The following MCM10 variants were observed in gnomAD, a reference collection of about 807,000 sequenced individuals.
MCM10 encodes minichromosome maintenance 10 replication initiation factor, also known as protein MCM10 homolog.
A neutral mutation model predicts 109.9 loss-of-function variants in MCM10; 91 were observed. That is an observed-to-expected ratio of 0.83 (90% confidence interval 0.70 to 0.99). The LOEUF (loss-of-function observed/expected upper bound fraction) is 0.99. Among genes scored for constraint, MCM10 ranks in the 50% least tolerant of loss-of-function variants. The pLI is 0.00. For missense variants in MCM10, 1,077 were observed against 1,061.2 expected, an observed-to-expected ratio of 1.01 and a Z score of -0.21; for synonymous variants, 380 against 387.2, an observed-to-expected ratio of 0.98 and a Z score of 0.22.
chr10:13,195,793 T>TGG (rs1564391121), intron 14 of MCM10, among the ~76,000 whole-genome samples: 1 of 151,464 alleles, frequency 6.6e-6, no homozygotes, highest in African/African-American at 2.4e-5. Context: ...AGTAGAGACA[T>TGG]GGTTTCACCA....
chr10:13,162,387 A>G (rs1271917013), intron 1 of MCM10, among the ~76,000 whole-genome samples: 2 of 152,186 alleles, frequency 1.3e-5, no homozygotes, highest in African/African-American at 4.8e-5. Context: ...CCATGATCTG[A>G]TTTATGTTCC....
chr10:13,176,364 AC>A (rs1564383525), intron 6 of MCM10, among the ~76,000 whole-genome samples: 1 of 152,116 alleles, frequency 6.6e-6, no homozygotes, highest in African/African-American at 2.4e-5. Flanking sequence ...AATTATCTAT[AC>A]TCTGTATCAC....
At chr10:13,195,772 G>A (rs11815342) in intron 14 of MCM10, among the ~76,000 whole-genome samples, 22,711 of 150,974 alleles carry the variant, frequency 0.15, 1,966 homozygotes, top group South Asian at 0.2. Context: ...CACCACGCCC[G>A]GCTAATTTTT....
chr10:13,201,885 G>A (rs927183170), intron 17 of MCM10: 2 of 232,096 alleles, frequency 8.6e-6, no homozygotes, highest in South Asian at 7.6e-5. Flanking sequence ...CCTTGGGACC[G>A]TGGTTGAACC....
chr10:13,201,543 A>C lies in MCM10; in HGVS notation c.2352+9A>C. 1.3e-6 allele frequency: 2 copies of C among 1,596,622 alleles called. No homozygotes were observed. Among genetic ancestry groups the C allele is most frequent in the Non-Finnish European group, 1.7e-6 (2 of 1,169,636 alleles). ...TCGTGACATGCAAGACGGTGGGTGA[A>C]GGTGGGGGCTGCAGCAACCCATGGG... is the stretch of plus-strand genomic sequence containing the variant. On this transcript the variant is annotated intron_variant, in intron 17 of 19. Transcript: ENST00000378714.
intron 6 of MCM10, among the ~76,000 whole-genome samples, chr10:13,179,546 T>C: frequency 6.6e-6 from 1 of 152,250 alleles, no homozygotes; most frequent in Non-Finnish European, 1.5e-5. Context: ...AGAAGACTCA[T>C]GAAATAGTGA....
At chr10:13,193,963 C>G (rs1452304368) in intron 13 of MCM10, among the ~76,000 whole-genome samples, 2 of 152,128 alleles carry the variant, frequency 1.3e-5, no homozygotes, top group African/African-American at 4.8e-5. Flanking sequence ...TGGCTCTAAT[C>G]CTGAGTCTGG....
chr10:13,208,714 C>A (rs1433877264), intron 18 of MCM10, among the ~76,000 whole-genome samples: 1 of 152,112 alleles, frequency 6.6e-6, no homozygotes, highest in East Asian at 1.9e-4. Context: ...GAGGAAGGGG[C>A]CAAACATAGA....
Position 13,198,700 on chromosome 10 carries a change from T to G in MCM10, c.2131T>G (p.Leu711Val). Residue 711 changes from leucine to valine, a missense_variant, in exon 16 of 20, where the codon TTG becomes GTG. By Grantham distance (32) the Leu-to-Val change is conservative. Coordinates refer to ENST00000378714, the MANE Select transcript of MCM10 (RefSeq NM_018518.5). Reference sequence around the variant, plus strand: ...TCCTTGTGCCCTAGCTGAGGATGAATTGGAGCCTGCCAGGAAAAAAAGGAG... The same window carrying G: ...TCCTTGTGCCCTAGCTGAGGATGAAGTGGAGCCTGCCAGGAAAAAAAGGAG... ...TMFSSQAEDE[L>V]EPARKKRREQ... 1 of 1,612,572 alleles carries G rather than the reference T, an allele frequency of 6.2e-7. No homozygotes were observed. Among genetic ancestry groups the G allele is most frequent in the East Asian group, 2.2e-5 (1 of 44,878 alleles).
rs186572970 is a variant in MCM10 at position 13,193,776 on chromosome 10, T to C, written c.1745+1208T>C. Among the ~76,000 whole-genome samples, 33 of 152,278 alleles carry C rather than the reference T, an allele frequency of 2.2e-4. No individual in the cohort carries two copies. The South Asian group carries it at 4.4e-3, about 20-fold the overall frequency. On this transcript the variant is annotated intron_variant, in intron 13 of 19. Transcript: ENST00000378714. ...AGAAATATGTATGGAGTTGGGGGCC[T>C]CGTGGGAAATAGAGAATGCCCATCA...
At chr10:13,189,112 G>A in intron 10 of MCM10, 32 bp downstream of exon 10, 1 of 1,612,312 alleles carries the variant, frequency 6.2e-7, no homozygotes, top group Non-Finnish European at 8.5e-7. Context: ...TTTGGGCAGA[G>A]GATTTTGCTT....
rs1834511297 is a variant in MCM10, at chr10:13,202,350, C to A, written c.2352+816C>A. ...CTAGCCTGGGCAACACAGCGAGATC[C>A]TATCTCAAAAAGAAAAAAGACAAGA... On this transcript the variant is annotated intron_variant, in intron 17 of 19. Transcript: ENST00000378714. Among the ~76,000 whole-genome samples, 14 of 152,128 alleles carry A rather than the reference C, an allele frequency of 9.2e-5. No homozygotes were observed. In the South Asian group the frequency reaches 2.9e-3, roughly 31 times the overall value.
In MCM10 at chr10:13,204,366, T is replaced by C; in HGVS notation, c.2498+2T>C. Reference sequence around the variant, plus strand: ...CAGACTCCCGAACAAGCACTGCAGGTATGAGAATCACCTGGAGCTCTTTGT... The same window carrying C: ...CAGACTCCCGAACAAGCACTGCAGGCATGAGAATCACCTGGAGCTCTTTGT... On this transcript the variant is annotated splice_donor_variant, in intron 18 of 19. Transcript: ENST00000378714. LOFTEE classifies it high-confidence loss of function. The C allele has an allele frequency of 6.2e-7, 1 of 1,613,974 alleles. No homozygotes were observed. Among genetic ancestry groups the C allele is most frequent in the Non-Finnish European group, 8.5e-7 (1 of 1,179,882 alleles).
At chr10:13,195,523 A>G (rs1834405778) in intron 14 of MCM10, 1 of 272,334 alleles carries the variant, frequency 3.7e-6, no homozygotes, top group South Asian at 8.1e-5. Context: ...TAGGAAAACA[A>G]TGCTTGGAAT....
At chr10:13,179,992 A>G (rs932703359) in intron 6 of MCM10, among the ~76,000 whole-genome samples, 3 of 152,144 alleles carry the variant, frequency 2.0e-5, no homozygotes, top group Admixed American at 6.6e-5. Flanking sequence ...AGTGGTTCAC[A>G]CCTGTAATCC....
intron 9 of MCM10, 31 bp from the exon 10 acceptor site, chr10:13,188,850 C>T (rs1834308481): frequency 1.3e-6 from 2 of 1,598,948 alleles, no homozygotes; most frequent in South Asian, 1.1e-5. Flanking sequence ...CTGTTGCCCT[C>T]ATCCTGATGC....
intron 18 of MCM10, among the ~76,000 whole-genome samples, 181 bp from the exon 19 acceptor site, chr10:13,208,910 T>C (rs953554032): frequency 3.9e-5 from 6 of 152,196 alleles, no homozygotes; most frequent in African/African-American, 1.2e-4. Context: ...TCCCAAGTCA[T>C]TGCAGGTTTA....
intron 14 of MCM10, among the ~76,000 whole-genome samples, chr10:13,196,274 G>A (rs777417762): frequency 2.0e-5 from 3 of 152,136 alleles, no homozygotes; most frequent in Admixed American, 6.5e-5. Flanking sequence ...AGTTGCTGCG[G>A]CTGAAGTAGG....
In MCM10 at chr10:13,195,248, T is replaced by C. The variant is rs1245333189; in HGVS notation, c.1953T>C (p.Ser651=). 2 of 1,603,862 alleles carry C rather than the reference T, an allele frequency of 1.2e-6. No individual in the cohort carries two copies. Among genetic ancestry groups the C allele is most frequent in the Non-Finnish European group, 8.5e-7 (1 of 1,174,850 alleles). The change falls in exon 14 of 20, where the codon AGT becomes AGC. Residue 651 remains serine, a synonymous_variant. Transcript: ENST00000378714. ...CACCACCACCAAGACCAAAACTGAG[T>C]GCTTTAGCAGAAGCCAAAAAGGTAA... ...DESPPPRPKL[S]ALAEAKKLAA... is the part of the protein sequence containing the mutation.
Sources: gnomAD v4.1 joint callset for allele counts (sites outside exome capture counted in the v4.1 genomes callset) on GRCh38, gnomAD v4.1.1 for gene constraint, MANE v1.5 for transcripts, NCBI Gene and HGNC (gene_info 2026-07-23, HGNC 2026-07-21) for gene names.